Variants in CLDN14 observed in about 807,000 individuals in gnomAD.
The protein encoded by CLDN14 is claudin-14.
Under a neutral mutation model 2.1 loss-of-function variants are expected in CLDN14, and 2 were observed. The observed-to-expected ratio is 0.96, with a 90% CI of 0.39 to 3.01. The LOEUF is 3.01. Among genes scored for constraint, CLDN14 ranks in the 30% most tolerant of loss-of-function variants. The probability of loss-of-function intolerance (pLI) is 0.09; values close to 1 mark genes in which losing one functional copy is unlikely to be tolerated. For missense variants in CLDN14, 298 were observed against 328.0 expected (o/e 0.91, Z 0.71); for synonymous variants, 136 against 154.4 (o/e 0.88, Z 0.88).
intron 1 of CLDN14, among the ~76,000 whole-genome samples, chr21:36,530,226 A>G (rs944723621): frequency 2.0e-5 from 3 of 152,092 alleles, no homozygotes; most frequent in Non-Finnish European, 4.4e-5. Flanking sequence ...CATTTCAGCC[A>G]CAGACCGTGC....
At chr21:36,576,208 A>G (rs911973126) in intron 1 of CLDN14, among the ~76,000 whole-genome samples, 1 of 152,096 alleles carries the variant, frequency 6.6e-6, no homozygotes, top group African/African-American at 2.4e-5. Flanking sequence ...AATCATTGAC[A>G]CCCAATCTAC....
At chr21:36,534,411 G>A (rs1460289674) in intron 1 of CLDN14, among the ~76,000 whole-genome samples, 3 of 152,184 alleles carry the variant, frequency 2.0e-5, no homozygotes, top group African/African-American at 7.2e-5. Context: ...GGGAACCAGA[G>A]CAAGGTCGTG....
At chr21:36,555,806 AGTGTGTGTGT>A (rs142473999) in intron 1 of CLDN14, among the ~76,000 whole-genome samples, 29,013 of 143,136 alleles carry the variant, frequency 0.2, 3,068 homozygotes, top group South Asian at 0.34. Flanking sequence ...TCTATAGGTC[AGTGTGTGTGT>A]GTGTGTGTGT....
At chr21:36,530,653 T>C (rs999905588) in intron 1 of CLDN14, among the ~76,000 whole-genome samples, 2 of 152,186 alleles carry the variant, frequency 1.3e-5, no homozygotes, top group African/African-American at 4.8e-5. Flanking sequence ...GAGGGGATCA[T>C]GGAGGGAGTG....
rs146132961 is a variant in CLDN14 at position 36,537,083 on chromosome 21, G to C, written c.-219-26583C>G. Among the ~76,000 whole-genome samples, 10 of 152,316 alleles carry C rather than the reference G, an allele frequency of 6.6e-5. No individual in the cohort carries two copies. The East Asian group carries it at 1.9e-3, about 29-fold the overall frequency. ...CGCATGCCTGTAATTTCAGCTACTCGTGAGGCTAAGGCAGGAGGATCGCTT... is the reference window on the plus strand; with the variant it reads ...CGCATGCCTGTAATTTCAGCTACTCCTGAGGCTAAGGCAGGAGGATCGCTT... On this transcript the variant is annotated intron_variant, in intron 1 of 2. Transcript: ENST00000342108.
chr21:36,465,621 CCGTGA>C (rs1428337012), intron 1 of CLDN14, among the ~76,000 whole-genome samples: 3 of 152,204 alleles, frequency 2.0e-5, no homozygotes, highest in African/African-American at 7.2e-5. Context: ...TAAAATTCCT[CCGTGA>C]TGCTCCGGAA....
At chr21:36,549,898 A>G (rs1231396963) in intron 1 of CLDN14, among the ~76,000 whole-genome samples, 1 of 152,172 alleles carries the variant, frequency 6.6e-6, no homozygotes, top group Non-Finnish European at 1.5e-5. Context: ...TCCCCTGAGC[A>G]CGGATGACGC....
In CLDN14 at chr21:36,551,517, C is replaced by T. The variant is rs2087563374; in HGVS notation, c.-220+24894G>A. 6.6e-6 allele frequency among the ~76,000 whole-genome samples: 1 copy of T among 152,116 alleles called. No homozygotes were observed. The highest frequency in any genetic ancestry group is 2.4e-5 in the African/African-American group (1 of 41,412). ...GGTGGCTGGCACAGGGTAGGGGTAC[C>T]ACAAATAACTGTTGGAGTGTAGCCA... On this transcript the variant is annotated intron_variant, in intron 1 of 2. Transcript: ENST00000342108. This position sits in a 1 kb window ranked among gnomAD's most constrained non-coding sequence, Gnocchi z 4.8.
At position 36,519,727 on chromosome 21, in the gene CLDN14, C is replaced by CAA. The variant is rs755453511; in HGVS notation, c.-219-9229_-219-9228dup. 5.5e-3 allele frequency among the ~76,000 whole-genome samples: 551 copies of CAA among 100,408 alleles called. 8 individuals are homozygous for CAA. Among genetic ancestry groups the CAA allele is most frequent in the African/African-American group, 0.016 (538 of 33,488 alleles). The allele number at this position is 100,408 out of a possible 152,430, so 65.9% of individuals were successfully genotyped here. ...CCTGTCTAAAAAACAACAACAACAA[C>CAA]AACAACAAAACCCCAAAAACAAAAA... On this transcript the variant is annotated intron_variant, in intron 1 of 2. Coordinates refer to the CLDN14 transcript ENST00000342108.
rs748232387 is a variant in CLDN14 at position 36,494,064 on chromosome 21, G to A, written c.-82+16299C>T. On this transcript the variant is annotated intron_variant, in intron 2 of 2. Transcript: ENST00000342108. ...AGAGCAGGACCTCAGGATCTTCTGC[G>A]GGGACATCAACTGGATTCGCAAAGA... Among the ~76,000 whole-genome samples, 15 of 152,250 alleles carry A rather than the reference G, an allele frequency of 9.9e-5. No homozygotes were observed. In the South Asian group the frequency reaches 2.7e-3, roughly 27 times the overall value.
At chr21:36,557,623 A>C (rs954208378) in intron 1 of CLDN14, among the ~76,000 whole-genome samples, 1 of 152,158 alleles carries the variant, frequency 6.6e-6, no homozygotes, top group Non-Finnish European at 1.5e-5. Flanking sequence ...CTCAATTCCT[A>C]AATTGGGTTA....
At chr21:36,475,265 A>G (rs1176879968) in intron 1 of CLDN14, among the ~76,000 whole-genome samples, 1 of 152,240 alleles carries the variant, frequency 6.6e-6, no homozygotes, top group Non-Finnish European at 1.5e-5. Context: ...ATATGCGTGC[A>G]CACAAAGGTG....
At chr21:36,485,928 TC>T in intron 2 of CLDN14, 1 of 1,041,280 alleles carries the variant, frequency 9.6e-7, no homozygotes, top group East Asian at 2.5e-5. Flanking sequence ...AACCCTATAT[TC>T]TCTGCGTCCC....
At chr21:36,529,014 T>C (rs1158253864) in intron 1 of CLDN14, among the ~76,000 whole-genome samples, 1 of 152,208 alleles carries the variant, frequency 6.6e-6, no homozygotes, top group Non-Finnish European at 1.5e-5. Context: ...CTCAAGCTTT[T>C]ATGCACTCAT....
chr21:36,473,616 T>C (rs1385743541), intron 1 of CLDN14, among the ~76,000 whole-genome samples: 1 of 152,224 alleles, frequency 6.6e-6, no homozygotes, highest in African/African-American at 2.4e-5. Context: ...CATATGTAAG[T>C]GCAGGGTTCA....
chr21:36,523,755 A>C (rs1289395039), intron 1 of CLDN14, among the ~76,000 whole-genome samples: 2 of 93,908 alleles, frequency 2.1e-5, no homozygotes, highest in Non-Finnish European at 4.5e-5. Context: ...CTAAAAAAAA[A>C]AAAAAAAGAA....
intron 1 of CLDN14, among the ~76,000 whole-genome samples, chr21:36,563,874 C>T (rs2087654491): frequency 6.6e-6 from 1 of 152,182 alleles, no homozygotes; most frequent in African/African-American, 2.4e-5. Flanking sequence ...ACTCCCTCTC[C>T]CCCAGGCGCC....
intron 1 of CLDN14, among the ~76,000 whole-genome samples, chr21:36,568,854 A>T (rs980543596): frequency 1.3e-5 from 2 of 152,212 alleles, no homozygotes; most frequent in African/African-American, 4.8e-5. Flanking sequence ...TGAACAGGCC[A>T]TTTGTATGGC....
At chr21:36,543,709 A>AG (rs1338893615) in intron 1 of CLDN14, among the ~76,000 whole-genome samples, 2 of 152,072 alleles carry the variant, frequency 1.3e-5, no homozygotes, top group African/African-American at 4.8e-5. Context: ...AGAATGGCGG[A>AG]GCTGCGACTT....
Sources: gnomAD v4.1 joint callset for allele counts (sites outside exome capture counted in the v4.1 genomes callset) on GRCh38, gnomAD v4.1.1 for gene constraint, Gnocchi (gnomAD v3.1) non-coding constraint, MANE v1.5 for transcripts, NCBI Gene and HGNC (gene_info 2026-07-23, HGNC 2026-07-21) for gene names.